The following LUC7L variants were observed in gnomAD, a reference collection of about 807,000 sequenced individuals.
The protein encoded by LUC7L is putative RNA-binding protein Luc7-like 1.
A neutral mutation model predicts 51.1 loss-of-function variants in LUC7L; 29 were observed. The ratio of observed to expected loss-of-function variants is 0.57; its 90% CI spans 0.42 to 0.77. The LOEUF is 0.77. LUC7L is among the 30% of genes least tolerant of loss of function. The pLI is 0.00. For synonymous variants in LUC7L, 181 were observed against 180.7 expected, an observed-to-expected ratio of 1.00 and a Z score of -0.01; for missense variants, 403 against 511.9, an observed-to-expected ratio of 0.79 and a Z score of 2.05.
intron 5 of LUC7L, among the ~76,000 whole-genome samples, chr16:200,212 G>A (rs1364702855): frequency 6.6e-6 from 1 of 151,292 alleles, no homozygotes. Context: ...CATGGGGTCA[G>A]GAGATCACGA....
Position 206,034 on chromosome 16 carries a change from T to C in LUC7L, c.480A>G (p.Glu160=). The part of the protein sequence containing the change: ...DESQKILMEV[E]KVRAKKKEAE... The stretch of plus-strand genomic sequence containing the variant: ...CTTCTTTTTTCTTCGCACGAACTTT[T>C]TCCACTTCCATAAGAATCTTCTGGG... The change falls in exon 5 of 10, where the codon GAA becomes GAG. Residue 160 remains glutamate (E), a synonymous_variant. Transcript: ENST00000293872. 6.2e-7 allele frequency: 1 copy of C among 1,613,318 alleles called. No individual in the cohort carries two copies. The highest frequency in any genetic ancestry group is 8.5e-7 in the Non-Finnish European group (1 of 1,179,854).
intron 5 of LUC7L, among the ~76,000 whole-genome samples, chr16:200,416 G>GAAAAAAAAAAAAAAAAAA (rs577587041): frequency 8.4e-6 from 1 of 119,114 alleles, no homozygotes; most frequent in African/African-American, 3.3e-5. Flanking sequence ...CGTCTCAAAA[G>GAAAAAAAAAAAAAAAAAA]AAAAAAAAAA....
intron 2 of LUC7L, among the ~76,000 whole-genome samples, chr16:223,378 TAAAA>T (rs948659817): frequency 4.0e-5 from 6 of 151,728 alleles, no homozygotes; most frequent in Non-Finnish European, 5.9e-5. Flanking sequence ...AAATAATAGA[TAAAA>T]AAAGAAAGCA....
At chr16:228,926 A>G in intron 1 of LUC7L, 1 of 1,372,558 alleles carries the variant, frequency 7.3e-7, no homozygotes, top group Non-Finnish European at 9.6e-7. Context: ...CCCGGCTGCC[A>G]GCGACCTGGA....
At chr16:228,938 C>A (rs758240991) in intron 1 of LUC7L, 1 of 1,391,708 alleles carries the variant, frequency 7.2e-7, no homozygotes, top group South Asian at 1.2e-5. Context: ...CGACCTGGAG[C>A]CCACGCTGAT....
intron 3 of LUC7L, among the ~76,000 whole-genome samples, chr16:210,533 A>G (rs1036315594): frequency 6.6e-6 from 1 of 152,128 alleles, no homozygotes; most frequent in Admixed American, 6.6e-5. Flanking sequence ...AGCCCCTAAC[A>G]GACCAGTCTG....
chr16:210,891 A>T (rs1458921028), intron 3 of LUC7L, among the ~76,000 whole-genome samples: 1 of 151,886 alleles, frequency 6.6e-6, no homozygotes, highest in Non-Finnish European at 1.5e-5. Flanking sequence ...CTCTACTAAA[A>T]ATACAAAAAA....
chr16:213,203 T>C (rs1288550794), intron 3 of LUC7L, among the ~76,000 whole-genome samples: 1 of 152,146 alleles, frequency 6.6e-6, no homozygotes, highest in African/African-American at 2.4e-5. Context: ...AGATAAAACA[T>C]ATCAAGGCCT....
intron 6 of LUC7L, among the ~76,000 whole-genome samples, chr16:198,222 T>C (rs1478785114): frequency 8.0e-6 from 1 of 124,996 alleles, no homozygotes; most frequent in Admixed American, 1.2e-4. Context: ...GAGCTTGCAG[T>C]AAGCCGAGAT....
intron 5 of LUC7L, among the ~76,000 whole-genome samples, chr16:200,907 G>A (rs1034826915): frequency 1.3e-5 from 2 of 151,856 alleles, no homozygotes; most frequent in Non-Finnish European, 2.9e-5. Flanking sequence ...AAAATAGGCT[G>A]GGCACAGTGG....
intron 5 of LUC7L, among the ~76,000 whole-genome samples, chr16:203,020 A>C (rs1254328715): frequency 6.6e-6 from 1 of 152,126 alleles, no homozygotes; most frequent in East Asian, 1.9e-4. Flanking sequence ...GCATGGTGGC[A>C]GGCACCTGTA....
At chr16:207,369 G>T (rs2049513105) in intron 4 of LUC7L, among the ~76,000 whole-genome samples, 1 of 151,950 alleles carries the variant, frequency 6.6e-6, no homozygotes, top group African/African-American at 2.4e-5. Flanking sequence ...ATACACATGT[G>T]CACCACCAAG....
intron 3 of LUC7L, among the ~76,000 whole-genome samples, chr16:218,026 CAAAAAA>C (rs11420593): frequency 7.7e-6 from 1 of 130,334 alleles, no homozygotes; most frequent in Non-Finnish European, 1.6e-5. Context: ...ACTATATCTC[CAAAAAA>C]AAAAAAAAAA....
intron 2 of LUC7L, among the ~76,000 whole-genome samples, chr16:221,186 A>ATTTTTTTTTTTTT (rs372906826): frequency 1.5e-4 from 15 of 101,244 alleles, no homozygotes; most frequent in South Asian, 3.7e-4. Flanking sequence ...CACCCAGCTA[A>ATTTTTTTTTTTTT]TTTTTTTTTT....
At chr16:196,853 A>G (rs910091760) in intron 6 of LUC7L, among the ~76,000 whole-genome samples, 1 of 151,684 alleles carries the variant, frequency 6.6e-6, no homozygotes, top group African/African-American at 2.4e-5. Flanking sequence ...TAGAGTGGTA[A>G]ATGCATACTA....
At chr16:205,221 C>T (rs1383394154) in intron 5 of LUC7L, among the ~76,000 whole-genome samples, 1 of 152,094 alleles carries the variant, frequency 6.6e-6, no homozygotes, top group Non-Finnish European at 1.5e-5. Context: ...CTATGTTATC[C>T]AGGCTGGACT....
chr16:194,131 C>G (rs1349048215), intron 6 of LUC7L, among the ~76,000 whole-genome samples: 1 of 150,092 alleles, frequency 6.7e-6, no homozygotes, highest in Non-Finnish European at 1.5e-5. Context: ...CAGGGTCTTG[C>G]TCTGTCCACC....
chr16:191,568 CGGGCGT>C (rs1235610749), intron 7 of LUC7L, among the ~76,000 whole-genome samples: 3 of 152,324 alleles, frequency 2.0e-5, no homozygotes, highest in Middle Eastern at 6.8e-3. Flanking sequence ...AACAAACGGC[CGGGCGT>C]GGTGGCTCAC....
Position 189,195 on chromosome 16 carries a change from G to C in LUC7L, c.*3C>G. ...GACTATTTACAGCACCCGGGAGACGGGTTCAGATCTCGCCGGCCTCCTTCT... is the reference window on the plus strand; with the variant it reads ...GACTATTTACAGCACCCGGGAGACGCGTTCAGATCTCGCCGGCCTCCTTCT... On this transcript the variant is annotated 3_prime_UTR_variant, in exon 10 of 10. Transcript: ENST00000293872. 8.7e-6 allele frequency: 14 copies of C among 1,612,062 alleles called. No individual in the cohort carries two copies. Among genetic ancestry groups the C allele is most frequent in the Non-Finnish European group, 1.2e-5 (14 of 1,178,682 alleles).
Sources: gnomAD v4.1 joint callset for allele counts (sites outside exome capture counted in the v4.1 genomes callset) on GRCh38, gnomAD v4.1.1 for gene constraint, MANE v1.5 for transcripts, NCBI Gene and HGNC (gene_info 2026-07-23, HGNC 2026-07-21) for gene names.